Variants in HOXC4 observed in about 807,000 individuals in gnomAD.
HOXC4 encodes the protein homeobox C4.
HOXC4 carries 15 observed loss-of-function variants against 25.5 expected under a neutral mutation model. The ratio of observed to expected loss-of-function variants is 0.59; its 90% CI spans 0.39 to 0.91. The LOEUF (loss-of-function observed/expected upper bound fraction) is 0.91. Among genes scored for constraint, HOXC4 ranks in the 40% least tolerant of loss-of-function variants. HOXC4 has a pLI of 0.00. For missense variants in HOXC4, 342 were observed against 352.4 expected, an observed-to-expected ratio of 0.97 and a Z score of 0.24; for synonymous variants, 165 against 148.0, an observed-to-expected ratio of 1.11 and a Z score of -0.83.
chr12:54,033,236 C>G (rs1439114511), intron 1 of HOXC4: 1 of 1,614,090 alleles, frequency 6.2e-7, no homozygotes, highest in African/African-American at 1.3e-5. Context: ...CATCCAGGTA[C>G]TGCTACGGCG....
At chr12:54,022,969 C>A (rs1007485042) in intron 1 of HOXC4, among the ~76,000 whole-genome samples, 1 of 152,174 alleles carries the variant, frequency 6.6e-6, no homozygotes, top group African/African-American at 2.4e-5. Flanking sequence ...CCTCTTGAGG[C>A]CCTATTCTGG....
intron 1 of HOXC4, among the ~76,000 whole-genome samples, chr12:54,044,466 G>T (rs951304655): frequency 9.9e-5 from 15 of 152,132 alleles, no homozygotes; most frequent in Admixed American, 9.2e-4. Flanking sequence ...TAGCCTCAGA[G>T]CCTGGCTGTA....
intron 1 of HOXC4, chr12:54,034,240 T>C (rs772302436): frequency 6.4e-7 from 1 of 1,551,604 alleles, no homozygotes; most frequent in Admixed American, 1.7e-5. Flanking sequence ...TGCAAGCTAT[T>C]CACCCCTTCC....
chr12:54,048,297 C>A (rs953730201), intron 1 of HOXC4, among the ~76,000 whole-genome samples: 3 of 151,994 alleles, frequency 2.0e-5, no homozygotes, highest in Non-Finnish European at 2.9e-5. Context: ...ACCGCGCTCT[C>A]CAAAGTTCTT....
chr12:54,018,093 C>T (rs1167203995), intron 1 of HOXC4, among the ~76,000 whole-genome samples: 2 of 152,116 alleles, frequency 1.3e-5, no homozygotes, highest in African/African-American at 4.8e-5. Context: ...ACCCCCTGCT[C>T]CCGCCCCCAC....
intron 1 of HOXC4, among the ~76,000 whole-genome samples, chr12:54,018,803 G>A (rs1392663522): frequency 1.3e-5 from 2 of 152,074 alleles, no homozygotes; most frequent in African/African-American, 4.8e-5. Flanking sequence ...GAACCTGGGG[G>A]CCAGACTTAC....
chr12:54,045,153 A>G (rs987336457), intron 1 of HOXC4, among the ~76,000 whole-genome samples: 12 of 152,238 alleles, frequency 7.9e-5, no homozygotes, highest in African/African-American at 2.9e-4. Flanking sequence ...ATTCCTCTTC[A>G]TTCCTAGGAC....
chr12:54,046,396 C>T (rs1937704723), intron 1 of HOXC4, among the ~76,000 whole-genome samples: 1 of 152,044 alleles, frequency 6.6e-6, no homozygotes, highest in African/African-American at 2.4e-5. Flanking sequence ...GGCAACATTG[C>T]TGTGGGGGAG....
chr12:54,023,923 C>A (rs1234714255), intron 1 of HOXC4, among the ~76,000 whole-genome samples: 1 of 152,184 alleles, frequency 6.6e-6, no homozygotes, highest in Non-Finnish European at 1.5e-5. Context: ...GACCAGGAGG[C>A]TCTTTGCGAT....
At chr12:54,022,930 C>A (rs1447014377) in intron 1 of HOXC4, among the ~76,000 whole-genome samples, 1 of 152,146 alleles carries the variant, frequency 6.6e-6, no homozygotes, top group Non-Finnish European at 1.5e-5. Context: ...CAGCACACCC[C>A]CTATTGCGGC....
At chr12:54,030,947 G>C (rs4759319) in intron 1 of HOXC4, 1 of 152,198 alleles carries the variant, frequency 6.6e-6, no homozygotes, top group African/African-American at 2.4e-5. Flanking sequence ...GCCTTCCCCG[G>C]AGCCCAGGCG....
intron 1 of HOXC4, chr12:54,034,265 G>A (rs1370060145): frequency 6.2e-7 from 1 of 1,610,918 alleles, no homozygotes; most frequent in South Asian, 1.1e-5. Context: ...TTGGGGTGGG[G>A]TTTATGTTCC....
chr12:54,039,339 G>A (rs1941234559), intron 1 of HOXC4, among the ~76,000 whole-genome samples: 2 of 152,154 alleles, frequency 1.3e-5, no homozygotes, highest in African/African-American at 2.4e-5. Context: ...CGAGAAGCAG[G>A]CAGACTCTGG....
chr12:54,025,041 G>A (rs545672450), intron 1 of HOXC4, among the ~76,000 whole-genome samples: 1 of 152,266 alleles, frequency 6.6e-6, no homozygotes, highest in South Asian at 2.1e-4. Flanking sequence ...CCTTCCGAAT[G>A]CCTGATTTGG....
intron 1 of HOXC4, chr12:54,033,090 A>C: frequency 6.4e-7 from 1 of 1,567,752 alleles, no homozygotes; most frequent in Non-Finnish European, 8.7e-7. Flanking sequence ...TTAATCAAAA[A>C]GGGTGCAGAA....
Position 54,055,181 on chromosome 12 carries a change from G to T in HOXC4, c.771G>T (p.Arg257=). 6.2e-7 allele frequency: 1 copy of T among 1,607,526 alleles called. No individual in the cohort carries two copies. The highest frequency in any genetic ancestry group is 8.5e-7 in the Non-Finnish European group (1 of 1,176,608). Residue 257 remains arginine (R), a synonymous_variant, in exon 2 of 2, where the codon CGG becomes CGT. Coordinates refer to ENST00000430889, the MANE Select transcript of HOXC4 (RefSeq NM_153633.3). The stretch of plus-strand genomic sequence containing the variant: ...GCGCCACGCCGCCGGAGCAGCAACG[G>T]GCAGAGGACATTACCAGGTTATAAA... ...SQSATPPEQQ[R]AEDITRL is the part of the protein sequence containing the mutation.
chr12:54,054,195 C>G lies in HOXC4; in HGVS notation c.273C>G (p.Pro91=). ...CGGCCCAGGCGGGCCACCACCACCC[C>G]GAGAAATCACAGTCGCTCTGCGAGC... The part of the protein sequence containing the change: ...HGPAQAGHHH[P]EKSQSLCEPA... Residue 91 remains proline, a synonymous_variant, in exon 1 of 2, where the codon CCC becomes CCG. Coordinates refer to ENST00000430889, the MANE Select transcript of HOXC4 (RefSeq NM_153633.3). 2 of 1,613,320 alleles carry G rather than the reference C, an allele frequency of 1.2e-6. No individual in the cohort carries two copies. Among genetic ancestry groups the G allele is most frequent in the Non-Finnish European group, 1.7e-6 (2 of 1,179,638 alleles).
intron 1 of HOXC4, among the ~76,000 whole-genome samples, chr12:54,043,580 TCCCCACCCCAC>T (rs1941308933): frequency 6.7e-6 from 1 of 150,182 alleles, no homozygotes; most frequent in South Asian, 2.1e-4. Context: ...CCATTTGTCC[TCCCCACCCCAC>T]CCCCACCCCT....
intron 1 of HOXC4, among the ~76,000 whole-genome samples, chr12:54,032,049 A>C (rs1941005945): frequency 6.6e-6 from 1 of 152,158 alleles, no homozygotes; most frequent in Non-Finnish European, 1.5e-5. Flanking sequence ...CCATGTCCTC[A>C]ATTAACATCT....
Sources: allele counts gnomAD v4.1 joint callset (sites outside exome capture counted in the v4.1 genomes callset), GRCh38; gene constraint gnomAD v4.1.1; transcripts MANE v1.5; gene names NCBI Gene and HGNC (gene_info 2026-07-23, HGNC 2026-07-21).